The following PRKN variants were observed in gnomAD, a reference collection of about 807,000 sequenced individuals.
PRKN encodes E3 ubiquitin-protein ligase parkin.
In PRKN, 56 loss-of-function variants were observed where a neutral mutation model predicts 59.5. The ratio of observed to expected loss-of-function variants is 0.94; its 90% CI spans 0.76 to 1.18. The LOEUF is 1.18. Ranked by LOEUF, PRKN falls within the 50% of genes most tolerant of loss-of-function variation. The pLI is 0.00. For missense variants in PRKN, 657 were observed against 596.4 expected (o/e 1.10, Z -1.06); for synonymous variants, 250 against 222.1 (o/e 1.13, Z -1.12).
At chr6:161,757,880 T>TAC (rs1240058288) in intron 7 of PRKN, among the ~76,000 whole-genome samples, 14 of 96,842 alleles carry the variant, frequency 1.4e-4, no homozygotes, top group African/African-American at 6.1e-4. Context: ...TCTGTGTATA[T>TAC]ATATATACAC....
At chr6:161,680,258 C>T (rs543644371) in intron 7 of PRKN, among the ~76,000 whole-genome samples, 10 of 152,298 alleles carry the variant, frequency 6.6e-5, no homozygotes, top group Admixed American at 2.6e-4. Flanking sequence ...TAGGCTGACT[C>T]GGTAACCTAC....
At chr6:161,838,744 T>C (rs937016818) in intron 6 of PRKN, among the ~76,000 whole-genome samples, 12 of 152,342 alleles carry the variant, frequency 7.9e-5, no homozygotes, top group African/African-American at 2.9e-4. Context: ...GACACAAGCA[T>C]GCGGCCCTGG....
chr6:162,725,920 A>T (rs1010388314), intron 1 of PRKN, among the ~76,000 whole-genome samples: 1 of 152,218 alleles, frequency 6.6e-6, no homozygotes, highest in Non-Finnish European at 1.5e-5. Flanking sequence ...GTTGTACTGC[A>T]CACTTATTTG....
intron 2 of PRKN, among the ~76,000 whole-genome samples, chr6:162,341,565 T>C (rs1784179998): frequency 6.6e-6 from 1 of 152,174 alleles, no homozygotes; most frequent in South Asian, 2.1e-4. Flanking sequence ...CACTGTGGAA[T>C]ACTATGCAGC....
At position 161,672,963 on chromosome 6, in the gene PRKN, T is replaced by C. The variant is rs573377126; in HGVS notation, c.872-103547A>G. 7.9e-5 allele frequency among the ~76,000 whole-genome samples: 12 copies of C among 152,298 alleles called. 1 individual carries two copies. In the East Asian group the frequency reaches 1.5e-3, roughly 20 times the overall value. On this transcript the variant is annotated intron_variant, in intron 7 of 11. Transcript: ENST00000366898. ...ACCAGGCATCAAATGACAGTATCAATGGAACATGCACAACCGAAAAGGATC... is the reference window on the plus strand; with the variant it reads ...ACCAGGCATCAAATGACAGTATCAACGGAACATGCACAACCGAAAAGGATC...
chr6:162,329,899 G>A (rs1783495702), intron 2 of PRKN, among the ~76,000 whole-genome samples: 2 of 152,134 alleles, frequency 1.3e-5, no homozygotes, highest in African/African-American at 4.8e-5. Context: ...GGAAAACACT[G>A]AGGGATCATC....
intron 2 of PRKN, among the ~76,000 whole-genome samples, chr6:162,430,173 C>CGATGAT (rs147505180): frequency 0.016 from 2,390 of 150,958 alleles, 69 homozygotes; most frequent in African/African-American, 0.055. Flanking sequence ...ACGACGACGA[C>CGATGAT]GATGATGATG....
rs188838007 is a variant in PRKN, at chr6:161,461,893, G to C, written c.1084-75016C>G. On this transcript the variant is annotated intron_variant, in intron 9 of 11. Transcript: ENST00000366898. The surrounding 1 kb of genome is among the most constrained non-coding windows in gnomAD (Gnocchi z 5.1). ...GGCAGTCAGAACTGCAGAAATACAC[G>C]AGAAGGTCTGAGGGAGGGCTTGGCT... is the stretch of plus-strand genomic sequence containing the variant. Among the ~76,000 whole-genome samples the C allele has an allele frequency of 1.9e-3, 292 of 152,274 alleles. No individual in the cohort carries two copies. Among genetic ancestry groups the C allele is most frequent in the African/African-American group, 6.9e-3 (285 of 41,554 alleles).
At chr6:162,191,320 C>G (rs748955197) in intron 4 of PRKN, among the ~76,000 whole-genome samples, 3 of 152,214 alleles carry the variant, frequency 2.0e-5, no homozygotes, top group Non-Finnish European at 4.4e-5. Flanking sequence ...GTGGCAAACA[C>G]TTGCTTTTCA....
At chr6:162,483,559 A>AGGAGGGAGGGAGAGAGGGAG (rs529996805) in intron 1 of PRKN, among the ~76,000 whole-genome samples, 2 of 150,294 alleles carry the variant, frequency 1.3e-5, no homozygotes, top group Admixed American at 1.3e-4. Flanking sequence ...GACGTAGGGA[A>AGGAGGGAGGGAGAGAGGGAG]GGAGGGAGAG....
intron 2 of PRKN, among the ~76,000 whole-genome samples, chr6:162,384,899 C>T (rs907870165): frequency 4.6e-5 from 7 of 152,164 alleles, no homozygotes; most frequent in East Asian, 1.9e-4. Flanking sequence ...ACATTAGCTT[C>T]GAAGTCTTTA....
intron 4 of PRKN, among the ~76,000 whole-genome samples, chr6:162,157,063 T>C (rs1287673393): frequency 6.6e-6 from 1 of 152,156 alleles, no homozygotes; most frequent in Admixed American, 6.5e-5. Context: ...AACAGGAATA[T>C]TTTTAATCCT....
intron 9 of PRKN, among the ~76,000 whole-genome samples, chr6:161,478,260 C>T (rs1239254911): frequency 2.0e-5 from 3 of 152,182 alleles, no homozygotes; most frequent in Non-Finnish European, 1.5e-5. Flanking sequence ...GTGGCTCCCA[C>T]CACTTCTCAT....
Position 161,417,448 on chromosome 6 carries a change from CAA to C in PRKN, c.1084-30573_1084-30572del, listed in dbSNP as rs397741750. On this transcript the variant is annotated intron_variant, in intron 9 of 11. Coordinates refer to ENST00000366898, the MANE Select transcript of PRKN (RefSeq NM_004562.3). The surrounding 1 kb of genome is among the most constrained non-coding windows in gnomAD (Gnocchi z 5.4). ...CTGGCAACAGAGCCAGACGCCGTTT[CAA>C]AAAAAAAAAAAAAAAGTCATCTAAT... 8.0e-5 allele frequency among the ~76,000 whole-genome samples: 9 copies of C among 112,872 alleles called. No homozygotes were observed. Among genetic ancestry groups the C allele is most frequent in the Non-Finnish European group, 7.4e-5 (4 of 53,932 alleles). The allele number at this position is 112,872 out of a possible 152,430, so 74.0% of individuals were successfully genotyped here.
chr6:162,148,973 T>G (rs1782144211), intron 4 of PRKN, among the ~76,000 whole-genome samples: 1 of 152,168 alleles, frequency 6.6e-6, no homozygotes, highest in Non-Finnish European at 1.5e-5. Context: ...GTGGGGGTAC[T>G]TACGGGACAA....
At chr6:161,987,075 G>A (rs950840455) in intron 5 of PRKN, among the ~76,000 whole-genome samples, 1 of 152,162 alleles carries the variant, frequency 6.6e-6, no homozygotes, top group African/African-American at 2.4e-5. Flanking sequence ...ATTGCAGGCA[G>A]CACAAGCCAT....
At position 161,498,513 on chromosome 6, in the gene PRKN, T is replaced by C. The variant is rs1220670534; in HGVS notation, c.1083+50341A>G. Among the ~76,000 whole-genome samples the C allele has an allele frequency of 6.6e-6, 1 of 152,158 alleles. No homozygotes were observed. The highest frequency in any genetic ancestry group is 6.5e-5 in the Admixed American group (1 of 15,272). ...GGAAGGGTGTGCTGTCCTAACCCAG[T>C]TAGATGTCGTCAAATGCCTTGTTTG... On this transcript the variant is annotated intron_variant, in intron 9 of 11. Transcript: ENST00000366898. This position sits in a 1 kb window ranked among gnomAD's most constrained non-coding sequence, Gnocchi z 4.2.
intron 6 of PRKN, among the ~76,000 whole-genome samples, chr6:161,934,357 GA>G (rs1779278149): frequency 6.6e-6 from 1 of 152,142 alleles, no homozygotes; most frequent in South Asian, 2.1e-4. Context: ...AGCAGTGTGA[GA>G]ATGGATTAAT....
intron 7 of PRKN, among the ~76,000 whole-genome samples, chr6:161,735,685 G>C (rs919201242): frequency 6.6e-6 from 1 of 152,112 alleles, no homozygotes; most frequent in Non-Finnish European, 1.5e-5. Flanking sequence ...GGGAGACTGA[G>C]GAGGGTGGAT....
Sources: gnomAD v4.1 joint callset for allele counts (sites outside exome capture counted in the v4.1 genomes callset) on GRCh38, gnomAD v4.1.1 for gene constraint, Gnocchi (gnomAD v3.1) non-coding constraint, MANE v1.5 for transcripts, NCBI Gene and HGNC (gene_info 2026-07-23, HGNC 2026-07-21) for gene names.